LRBA: variants seen among roughly 807,000 people sequenced by gnomAD.
LRBA encodes the protein LPS responsive beige-like anchor protein.
A neutral mutation model predicts 330.0 loss-of-function variants in LRBA; 176 were observed. The ratio of observed to expected loss-of-function variants is 0.53; its 90% CI spans 0.47 to 0.60. LRBA has a LOEUF of 0.60. Among genes scored for constraint, LRBA ranks in the 20% least tolerant of loss-of-function variants. LRBA has a pLI of 0.00. For synonymous variants in LRBA, 1,230 were observed against 1,193.0 expected (o/e 1.03, Z -0.64); for missense variants, 3,259 against 3,444.8 (o/e 0.95, Z 1.35).
intron 31 of LRBA, among the ~76,000 whole-genome samples, chr4:150,809,158 T>C (rs1472778271): frequency 6.6e-6 from 1 of 152,152 alleles, no homozygotes; most frequent in Non-Finnish European, 1.5e-5. Context: ...GAATTCATGG[T>C]TCCAATAAAG....
chr4:150,775,824 A>AAG, intron 34 of LRBA, among the ~76,000 whole-genome samples: 1 of 148,528 alleles, frequency 6.7e-6, no homozygotes, highest in Admixed American at 6.7e-5. Flanking sequence ...AAAAAAAAAA[A>AAG]AAAGACCAGC....
chr4:150,284,778 A>G (rs1208635995), intron 54 of LRBA, among the ~76,000 whole-genome samples: 1 of 152,152 alleles, frequency 6.6e-6, no homozygotes, highest in Non-Finnish European at 1.5e-5. Context: ...TTCCCACCTT[A>G]GCCTCCCAAA....
chr4:150,806,420 TA>T lies in LRBA; in HGVS notation c.5385-17del. The T allele has an allele frequency of 6.4e-7, 1 of 1,567,296 alleles. No individual in the cohort carries two copies. The highest frequency in any genetic ancestry group is 8.6e-7 in the Non-Finnish European group (1 of 1,159,968). On this transcript the variant is annotated splice_polypyrimidine_tract_variant and intron_variant, in intron 32 of 56. Coordinates refer to ENST00000651943, the MANE Select transcript of LRBA (RefSeq NM_001364905.1). ...CTCTGTAATACTAAGGAAAAGACAT[TA>T]AGTTACTTGAACTATTCAACAGATT...
chr4:150,582,877 G>A (rs529523735), intron 40 of LRBA: 1 of 824,858 alleles, frequency 1.2e-6, no homozygotes, highest in Admixed American at 2.9e-5. Flanking sequence ...GGTATCAGCC[G>A]GTCAGCCCAG....
chr4:150,514,023 TA>T (rs1160483678), intron 40 of LRBA, among the ~76,000 whole-genome samples: 1 of 152,188 alleles, frequency 6.6e-6, no homozygotes, highest in Non-Finnish European at 1.5e-5. Flanking sequence ...TGTGGCAAGA[TA>T]AATTGTTAGC....
rs1346441111 is a variant in LRBA at position 150,872,338 on chromosome 4, G to A, written c.2258+325C>T. Among the ~76,000 whole-genome samples the A allele has an allele frequency of 3.9e-5, 6 of 152,276 alleles. No homozygotes were observed. The South Asian group carries it at 1.2e-3, about 32-fold the overall frequency. ...ACTATGTGACAAACATCCAGGTTAT[G>A]TATTACTTTATAATACAGATAAAGC... On this transcript the variant is annotated intron_variant, in intron 18 of 56. Coordinates refer to ENST00000651943, the MANE Select transcript of LRBA (RefSeq NM_001364905.1).
At chr4:150,559,810 A>G (rs1346151846) in intron 40 of LRBA, among the ~76,000 whole-genome samples, 1 of 72,350 alleles carries the variant, frequency 1.4e-5, no homozygotes, top group Non-Finnish European at 2.4e-5. Flanking sequence ...TATGTTATAT[A>G]TAATAATATA....
intron 40 of LRBA, among the ~76,000 whole-genome samples, chr4:150,518,620 C>T (rs1372110322): frequency 6.6e-6 from 1 of 152,094 alleles, no homozygotes; most frequent in East Asian, 1.9e-4. Context: ...GCCTCCCTTC[C>T]TTCTCATTGT....
chr4:150,529,832 A>C, intron 40 of LRBA, among the ~76,000 whole-genome samples: 1 of 152,222 alleles, frequency 6.6e-6, no homozygotes, highest in East Asian at 1.9e-4. Flanking sequence ...ACATACAAAT[A>C]AAGTAGAGAG....
intron 35 of LRBA, among the ~76,000 whole-genome samples, chr4:150,742,875 G>A (rs1198998487): frequency 6.6e-6 from 1 of 152,110 alleles, no homozygotes; most frequent in Non-Finnish European, 1.5e-5. Flanking sequence ...TGCAGCCAGG[G>A]CGACAAAGTA....
intron 44 of LRBA, among the ~76,000 whole-genome samples, chr4:150,445,827 C>T (rs866923574): frequency 4.0e-5 from 6 of 151,850 alleles, no homozygotes; most frequent in South Asian, 2.1e-4. Context: ...ACCACACTGA[C>T]ATAATTTTTT....
intron 2 of LRBA, among the ~76,000 whole-genome samples, chr4:150,983,224 A>C (rs75442857): frequency 1.3e-5 from 2 of 152,146 alleles, no homozygotes; most frequent in Non-Finnish European, 2.9e-5. Flanking sequence ...TGGGAGGCTG[A>C]GGCAAGCGGA....
chr4:150,532,025 A>C (rs144872892), intron 40 of LRBA, among the ~76,000 whole-genome samples: 1 of 152,344 alleles, frequency 6.6e-6, no homozygotes, highest in African/African-American at 2.4e-5. Context: ...TCAACAGTTT[A>C]GTGAAAACTG....
At chr4:150,540,124 T>G (rs189440908) in intron 40 of LRBA, among the ~76,000 whole-genome samples, 5 of 152,356 alleles carry the variant, frequency 3.3e-5, no homozygotes. Context: ...TACGGACATT[T>G]TAATAATATA....
At chr4:150,424,371 C>A (rs990944168) in intron 46 of LRBA, among the ~76,000 whole-genome samples, 18 of 152,136 alleles carry the variant, frequency 1.2e-4, no homozygotes, top group African/African-American at 4.3e-4. Context: ...TTGGTTGCCA[C>A]AAAAACATCA....
At chr4:150,469,356 G>A (rs888753566) in intron 43 of LRBA, among the ~76,000 whole-genome samples, 1 of 152,024 alleles carries the variant, frequency 6.6e-6, no homozygotes, top group Non-Finnish European at 1.5e-5. Flanking sequence ...TAAAGCAAAT[G>A]ATAGATTCTA....
At chr4:150,320,236 C>T (rs1732299052) in intron 50 of LRBA, among the ~76,000 whole-genome samples, 1 of 152,232 alleles carries the variant, frequency 6.6e-6, no homozygotes, top group South Asian at 2.1e-4. Context: ...GGCGAGCTCC[C>T]TGGGCTCAGT....
At chr4:150,454,109 C>T (rs1180302381) in intron 44 of LRBA, among the ~76,000 whole-genome samples, 1 of 152,000 alleles carries the variant, frequency 6.6e-6, no homozygotes, top group Admixed American at 6.6e-5. Flanking sequence ...TACAGGCACG[C>T]ACCACCACAT....
In LRBA at chr4:150,844,725, T is replaced by C. The variant is rs749103966; in HGVS notation, c.4394A>G (p.Lys1465Arg). Residue 1465 changes from lysine (K) to arginine (R), a missense_variant, in exon 27 of 57, where the codon AAA (lysine) becomes AGA (arginine). Physicochemically the swap from Lys to Arg is conservative, Grantham distance 26. Transcript: ENST00000651943. ...CLECQQHSQL[K>R]TRGDKALKPM... is the part of the protein sequence containing the mutation. ...TTTCAAGGCTTTATCTCCCCTAGTTTTCAGTTGTGAATGCTGTTGACACTC... is the reference window on the plus strand; with the variant it reads ...TTTCAAGGCTTTATCTCCCCTAGTTCTCAGTTGTGAATGCTGTTGACACTC... 38 of 1,613,346 alleles carry C rather than the reference T, an allele frequency of 2.4e-5. No individual in the cohort carries two copies. The highest frequency in any genetic ancestry group is 3.2e-5 in the Non-Finnish European group (38 of 1,179,352).
Sources: allele counts gnomAD v4.1 joint callset (sites outside exome capture counted in the v4.1 genomes callset), GRCh38; gene constraint gnomAD v4.1.1; transcripts MANE v1.5; gene names NCBI Gene and HGNC (gene_info 2026-07-23, HGNC 2026-07-21).